ERG: variants seen among roughly 807,000 people sequenced by gnomAD.
ERG encodes ETS transcription factor ERG, also known as transcriptional regulator ERG.
In ERG, 9 loss-of-function variants were observed where a neutral mutation model predicts 55.3. The observed-to-expected ratio is 0.16, with a 90% CI of 0.10 to 0.28. ERG has a LOEUF of 0.28. Ranked by LOEUF, ERG falls within the 10% of genes least tolerant of loss-of-function variation. The pLI, the probability that ERG is intolerant of heterozygous loss-of-function variation, is 1.00. For synonymous variants in ERG, 223 were observed against 237.3 expected (o/e 0.94, Z 0.55); for missense variants, 434 against 631.6 (o/e 0.69, Z 3.35).
At chr21:38,453,274 A>G (rs116569058) in intron 1 of ERG, among the ~76,000 whole-genome samples, 1,994 of 152,336 alleles carry the variant, frequency 0.013, 41 homozygotes, top group African/African-American at 0.045. Context: ...TTTGCAAAAG[A>G]AGGAGGGAGC....
chr21:38,611,409 C>T (rs2060226232), intron 1 of ERG, among the ~76,000 whole-genome samples: 2 of 152,132 alleles, frequency 1.3e-5, no homozygotes, highest in Non-Finnish European at 2.9e-5. Flanking sequence ...CCCTTCATCA[C>T]GTGGCCCCTC....
intron 2 of ERG, among the ~76,000 whole-genome samples, chr21:38,566,367 G>A (rs1330806927): frequency 6.6e-6 from 1 of 152,150 alleles, no homozygotes; most frequent in African/African-American, 2.4e-5. Flanking sequence ...CCCACACTGA[G>A]TCCTACAACG....
intron 1 of ERG, among the ~76,000 whole-genome samples, chr21:38,646,708 C>G (rs1447917165): frequency 6.6e-6 from 1 of 152,200 alleles, no homozygotes; most frequent in Non-Finnish European, 1.5e-5. Context: ...CATGTTCATA[C>G]CGGCCCAGTT....
intron 1 of ERG, among the ~76,000 whole-genome samples, chr21:38,582,169 G>A (rs1009499558): frequency 1.3e-4 from 20 of 152,096 alleles, no homozygotes; most frequent in African/African-American, 4.8e-4. Flanking sequence ...AATCATAAGA[G>A]CATAGCGTTT....
At chr21:38,547,554 TAA>T (rs1351156066) in intron 2 of ERG, among the ~76,000 whole-genome samples, 1 of 152,184 alleles carries the variant, frequency 6.6e-6, no homozygotes, top group African/African-American at 2.4e-5. Flanking sequence ...TGCAAATCAT[TAA>T]AGAGGGCGAC....
intron 3 of ERG, among the ~76,000 whole-genome samples, chr21:38,420,982 T>C (rs920337701): frequency 9.2e-5 from 14 of 152,180 alleles, no homozygotes; most frequent in African/African-American, 3.1e-4. Context: ...GGGTGTCTAC[T>C]TCACTTTGTT....
At chr21:38,493,078 T>G (rs1034544364) in intron 1 of ERG, among the ~76,000 whole-genome samples, 1 of 152,190 alleles carries the variant, frequency 6.6e-6, no homozygotes, top group African/African-American at 2.4e-5. Context: ...GGTAATTATT[T>G]TTTAAATTGG....
chr21:38,505,752 A>C (rs928893725), intron 2 of ERG, among the ~76,000 whole-genome samples: 1 of 152,176 alleles, frequency 6.6e-6, no homozygotes, highest in Non-Finnish European at 1.5e-5. Flanking sequence ...CAAGGATTTT[A>C]GGAAGCAACC....
intron 1 of ERG, among the ~76,000 whole-genome samples, chr21:38,658,855 G>T (rs920564529): frequency 1.3e-5 from 2 of 152,192 alleles, no homozygotes; most frequent in Non-Finnish European, 2.9e-5. Context: ...GTGGAGGGGG[G>T]AATGTTTATA....
intron 2 of ERG, among the ~76,000 whole-genome samples, chr21:38,530,232 G>T (rs540093614): frequency 3.3e-5 from 5 of 151,956 alleles, no homozygotes; most frequent in South Asian, 2.1e-4. Flanking sequence ...GCTAATTTTT[G>T]CATTTTTAGT....
intron 1 of ERG, among the ~76,000 whole-genome samples, chr21:38,485,620 C>T (rs35273667): frequency 0.12 from 17,777 of 151,298 alleles, 1,190 homozygotes; most frequent in East Asian, 0.26. Context: ...CCACCATGCC[C>T]GGCTAATTTT....
At chr21:38,506,567 T>A (rs532000587) in intron 2 of ERG, among the ~76,000 whole-genome samples, 2 of 152,308 alleles carry the variant, frequency 1.3e-5, no homozygotes, top group East Asian at 1.9e-4. Context: ...TTGAAAATAA[T>A]CTTATTATAC....
chr21:38,401,860 T>C (rs935110707), intron 5 of ERG, among the ~76,000 whole-genome samples: 4 of 152,196 alleles, frequency 2.6e-5, no homozygotes, highest in Non-Finnish European at 4.4e-5. Context: ...TTAGCCAGGA[T>C]GAGGCACGGT....
intron 2 of ERG, among the ~76,000 whole-genome samples, chr21:38,538,199 G>A (rs962350600): frequency 6.6e-6 from 1 of 152,112 alleles, no homozygotes; most frequent in Non-Finnish European, 1.5e-5. Context: ...ATTGTTTAAT[G>A]GGTTGGAGTG....
At chr21:38,475,180 T>C (rs2059176255) in intron 1 of ERG, among the ~76,000 whole-genome samples, 2 of 152,004 alleles carry the variant, frequency 1.3e-5, no homozygotes, top group African/African-American at 4.8e-5. Context: ...AGTCAACATA[T>C]GAGAAACTAG....
intron 2 of ERG, among the ~76,000 whole-genome samples, chr21:38,544,324 G>A (rs2059774546): frequency 6.6e-6 from 1 of 152,182 alleles, no homozygotes; most frequent in Non-Finnish European, 1.5e-5. Flanking sequence ...GGAGCCACAT[G>A]GACTGACAAT....
rs75888079 is a variant in ERG at position 38,447,073 on chromosome 21, G to T, written c.19-1452C>A. Among the ~76,000 whole-genome samples, 671 of 152,008 alleles carry T rather than the reference G, an allele frequency of 4.4e-3. 6 individuals are homozygous for T. Among genetic ancestry groups the T allele is most frequent in the African/African-American group, 0.016 (647 of 41,466 alleles). ...GGAGAGCTTCCTCTCCACCCAGAAG[G>T]ATCAGAATTTTTAGGAAACAATCAC... On this transcript the variant is annotated intron_variant, in intron 1 of 9. Transcript: ENST00000288319.
chr21:38,535,285 C>T lies in ERG; in HGVS notation c.-41+40377G>A, dbSNP rs144722808. On this transcript the variant is annotated intron_variant, in intron 2 of 8. Coordinates refer to the ERG transcript ENST00000398897. ...CCAAAAGGTGGGAGCATGCAGAACA[C>T]GGGGAGTGTTGATTGACATCAAGTT... Among the ~76,000 whole-genome samples, 982 of 152,146 alleles carry T rather than the reference C, an allele frequency of 6.5e-3. 6 individuals are homozygous for T. Among genetic ancestry groups the T allele is most frequent in the Non-Finnish European group, 0.011 (731 of 67,998 alleles).
intron 1 of ERG, among the ~76,000 whole-genome samples, chr21:38,490,920 A>G (rs1289756002): frequency 1.3e-5 from 2 of 152,210 alleles, no homozygotes; most frequent in African/African-American, 4.8e-5. Context: ...CAGAGTACCA[A>G]GTGCCTCCCT....
Sources: allele counts gnomAD v4.1 joint callset (sites outside exome capture counted in the v4.1 genomes callset), GRCh38; gene constraint gnomAD v4.1.1; transcripts MANE v1.5; gene names NCBI Gene and HGNC (gene_info 2026-07-23, HGNC 2026-07-21).